SMIM41: variants seen among roughly 807,000 people sequenced by gnomAD.
The protein encoded by SMIM41 is small integral membrane protein 41.
rs1398170276 is a variant in SMIM41 at position 52,107,823 on chromosome 12, T to G, written c.*640T>G. 2.7e-6 allele frequency: 1 copy of G among 363,912 alleles called. No homozygotes were observed. Among genetic ancestry groups the G allele is most frequent in the East Asian group, 7.0e-5 (1 of 14,252 alleles). 22.5% of individuals were successfully genotyped at this position (363,912 alleles called of 1,614,324 possible). ...TAGACTCCCAGCTGTACAACTTGAT[T>G]GCCTTACTAATGACCTGCTTCAAGG... is the stretch of plus-strand genomic sequence containing the variant. On this transcript the variant is annotated 3_prime_UTR_variant, in exon 3 of 3. Transcript: ENST00000546390.
Position 52,080,065 on chromosome 12 carries a change from C to G in SMIM41, c.*4C>G, listed in dbSNP as rs1347475033. ...GGACGGCGACGACGACTCCTAGGCGCCCGGCTGCGCTCGGTGGTCGCGGCC... is the reference window on the plus strand; with the variant it reads ...GGACGGCGACGACGACTCCTAGGCGGCCGGCTGCGCTCGGTGGTCGCGGCC... On this transcript the variant is annotated 3_prime_UTR_variant, in exon 1 of 3. Transcript: ENST00000546390. 1.7e-5 allele frequency: 6 copies of G among 360,938 alleles called. No individual in the cohort carries two copies. The highest frequency in any genetic ancestry group is 2.5e-5 in the Non-Finnish European group (5 of 201,588). The allele number at this position is 360,938 out of a possible 1,614,324, so 22.4% of individuals were successfully genotyped here. A position where few individuals can be genotyped will look rare whatever the true frequency, so the allele number is the denominator to read the frequency against.
intron 2 of SMIM41, among the ~76,000 whole-genome samples, chr12:52,100,881 A>C (rs1322664117): frequency 6.6e-6 from 1 of 152,228 alleles, no homozygotes; most frequent in African/African-American, 2.4e-5. Context: ...AGAAAAGAAT[A>C]AAATGGGCAC....
At chr12:52,080,262 G>A (rs1939798119) in intron 1 of SMIM41, 81 bp downstream of exon 1, 1 of 201,356 alleles carries the variant, frequency 5.0e-6, no homozygotes, top group Non-Finnish European at 1.0e-5. Flanking sequence ...GCTTCTTGGG[G>A]CGCGGCAAGG....
In SMIM41 at chr12:52,107,815, A is replaced by G; in HGVS notation, c.*632A>G. On this transcript the variant is annotated 3_prime_UTR_variant, in exon 3 of 3. Transcript: ENST00000546390. ...CAGTCTTTTAGACTCCCAGCTGTAC[A>G]ACTTGATTGCCTTACTAATGACCTG... 1 of 364,884 alleles carries G rather than the reference A, an allele frequency of 2.7e-6. No homozygotes were observed. Among genetic ancestry groups the G allele is most frequent in the South Asian group, 2.2e-5 (1 of 46,340 alleles). 22.6% of individuals were successfully genotyped at this position (364,884 alleles called of 1,614,324 possible). A position where few individuals can be genotyped will look rare whatever the true frequency, so the allele number is the denominator to read the frequency against.
At chr12:52,100,892 A>G (rs1266807128) in intron 2 of SMIM41, among the ~76,000 whole-genome samples, 1 of 152,236 alleles carries the variant, frequency 6.6e-6, no homozygotes, top group African/African-American at 2.4e-5. Flanking sequence ...AAATGGGCAC[A>G]GTATCCCTAA....
At chr12:52,088,315 C>G (rs958826997) in intron 2 of SMIM41, among the ~76,000 whole-genome samples, 3 of 152,204 alleles carry the variant, frequency 2.0e-5, no homozygotes, top group African/African-American at 4.8e-5. Flanking sequence ...GACACTTGAG[C>G]TGAGACCTGG....
At chr12:52,092,924 G>A (rs916494367) in intron 2 of SMIM41, among the ~76,000 whole-genome samples, 5 of 152,316 alleles carry the variant, frequency 3.3e-5, no homozygotes, top group Middle Eastern at 3.4e-3. Flanking sequence ...GCTCATGCCT[G>A]TAATCCCAGC....
intron 2 of SMIM41, among the ~76,000 whole-genome samples, chr12:52,093,794 T>A (rs948920195): frequency 2.6e-5 from 4 of 152,206 alleles, no homozygotes; most frequent in Non-Finnish European, 4.4e-5. Context: ...GACAGATTCT[T>A]TATTCAATTG....
chr12:52,100,479 A>G (rs1940196290), intron 2 of SMIM41, among the ~76,000 whole-genome samples: 1 of 150,806 alleles, frequency 6.6e-6, no homozygotes, highest in Non-Finnish European at 1.5e-5. Flanking sequence ...TTTTTGAGGC[A>G]GAGTTTCACT....
intron 2 of SMIM41, among the ~76,000 whole-genome samples, chr12:52,085,157 C>G (rs1380579432): frequency 6.6e-6 from 1 of 152,210 alleles, no homozygotes; most frequent in African/African-American, 2.4e-5. Flanking sequence ...TCCCATGTAA[C>G]TGAAAAGTCT....
At chr12:52,080,942 G>C (rs1248544964) in intron 1 of SMIM41, among the ~76,000 whole-genome samples, 2 of 152,034 alleles carry the variant, frequency 1.3e-5, no homozygotes, top group Non-Finnish European at 1.5e-5. Flanking sequence ...GTGTGTGTTG[G>C]GGGGTGTGGA....
intron 2 of SMIM41, among the ~76,000 whole-genome samples, chr12:52,101,251 C>T (rs968720739): frequency 2.6e-5 from 4 of 152,152 alleles, no homozygotes; most frequent in African/African-American, 9.7e-5. Flanking sequence ...AGTGAAACCC[C>T]CGTCTCTACT....
intron 2 of SMIM41, among the ~76,000 whole-genome samples, chr12:52,098,280 T>TGTA (rs1159424498): frequency 1.3e-5 from 2 of 151,808 alleles, no homozygotes; most frequent in African/African-American, 4.8e-5. Flanking sequence ...AAAAACCATG[T>TGTA]CACAAGGGGC....
intron 2 of SMIM41, among the ~76,000 whole-genome samples, chr12:52,088,143 C>T (rs750513927): frequency 3.9e-5 from 6 of 152,186 alleles, no homozygotes; most frequent in Non-Finnish European, 7.3e-5. Flanking sequence ...ACAGAGCCTG[C>T]GCACTTGCTG....
chr12:52,088,826 C>T (rs1684046360), intron 2 of SMIM41, among the ~76,000 whole-genome samples: 1 of 152,114 alleles, frequency 6.6e-6, no homozygotes, highest in Admixed American at 6.5e-5. Flanking sequence ...CTTCCTGTGG[C>T]CCCCCAAACT....
chr12:52,107,357 G>GTCTC, intron 2 of SMIM41, 22 bp from the exon 3 acceptor site: 1 of 508,890 alleles, frequency 2.0e-6, no homozygotes, highest in South Asian at 1.5e-5. Context: ...TCTAACAGAT[G>GTCTC]TCTCTATATT....
chr12:52,106,008 T>C (rs1339744889), intron 2 of SMIM41, among the ~76,000 whole-genome samples: 3 of 152,208 alleles, frequency 2.0e-5, no homozygotes, highest in African/African-American at 7.2e-5. Context: ...ATCTCTATGA[T>C]GGATGCATAA....
chr12:52,102,743 C>T (rs1010255718), intron 2 of SMIM41, among the ~76,000 whole-genome samples: 10 of 151,992 alleles, frequency 6.6e-5, no homozygotes, highest in Non-Finnish European at 8.8e-5. Context: ...TAGGAATGCT[C>T]GAATATGATT....
chr12:52,095,580 C>A (rs2120690485), intron 2 of SMIM41, among the ~76,000 whole-genome samples: 1 of 152,104 alleles, frequency 6.6e-6, no homozygotes, highest in East Asian at 1.9e-4. Context: ...ATCATCCTCT[C>A]CCACGTTGAA....
Sources: allele counts gnomAD v4.1 joint callset (sites outside exome capture counted in the v4.1 genomes callset), GRCh38; gene constraint gnomAD v4.1.1; transcripts MANE v1.5; gene names NCBI Gene and HGNC (gene_info 2026-07-23, HGNC 2026-07-21).